The following ARHGEF4 variants were observed in gnomAD, a reference collection of about 807,000 sequenced individuals.
ARHGEF4 encodes the protein Rho guanine nucleotide exchange factor 4.
A neutral mutation model predicts 162.0 loss-of-function variants in ARHGEF4; 119 were observed. That is an observed-to-expected ratio of 0.73 (90% CI 0.63 to 0.86). ARHGEF4 has a LOEUF of 0.86. Among genes scored for constraint, ARHGEF4 ranks in the 40% least tolerant of loss-of-function variants. The pLI, the probability that ARHGEF4 is intolerant of heterozygous loss-of-function variation, is 0.00. For missense variants in ARHGEF4, 2,488 were observed against 2,456.0 expected, an observed-to-expected ratio of 1.01 and a Z score of -0.28; for synonymous variants, 1,014 against 979.9, an observed-to-expected ratio of 1.03 and a Z score of -0.65.
intron 4 of ARHGEF4, among the ~76,000 whole-genome samples, chr2:130,961,633 G>C (rs950156910): frequency 1.3e-5 from 2 of 152,202 alleles, no homozygotes; most frequent in African/African-American, 2.4e-5. Context: ...GTATTTTAGA[G>C]CTCCCTTGGG....
chr2:130,847,038 G>A (rs1436199193), intron 1 of ARHGEF4, among the ~76,000 whole-genome samples: 1 of 152,190 alleles, frequency 6.6e-6, no homozygotes, highest in African/African-American at 2.4e-5. Context: ...TTTAGGGAAA[G>A]CCTGGGTGTA....
rs184732466 is a variant in ARHGEF4 at position 130,913,389 on chromosome 2, G to A, written c.40-597G>A. ...ATAAGTAGTTTAAGAAATGTGTAAC[G>A]AGAGAAGGAAATACTTGCACAGTTC... On this transcript the variant is annotated intron_variant, in intron 1 of 13. Coordinates refer to ENST00000409359, the MANE Select transcript of ARHGEF4 (RefSeq NM_001367493.1). Among the ~76,000 whole-genome samples, 38 of 152,338 alleles carry A rather than the reference G, an allele frequency of 2.5e-4. No individual in the cohort carries two copies. In the East Asian group the frequency reaches 2.5e-3, roughly 10 times the overall value.
intron 1 of ARHGEF4, among the ~76,000 whole-genome samples, chr2:130,897,639 C>T (rs1013438951): frequency 1.3e-5 from 2 of 152,224 alleles, no homozygotes; most frequent in African/African-American, 2.4e-5. Flanking sequence ...GTGCCCACTA[C>T]TTGCCGGCAT....
At chr2:130,941,588 T>C (rs1338258838) in intron 3 of ARHGEF4, among the ~76,000 whole-genome samples, 1 of 152,186 alleles carries the variant, frequency 6.6e-6, no homozygotes, top group East Asian at 1.9e-4. Flanking sequence ...ATAAACAGTC[T>C]AACACTTATT....
intron 1 of ARHGEF4, among the ~76,000 whole-genome samples, chr2:130,839,004 C>T (rs1375058501): frequency 6.6e-6 from 1 of 151,934 alleles, no homozygotes; most frequent in Non-Finnish European, 1.5e-5. Context: ...TCCATACTTT[C>T]TGCCTCAGGT....
intron 4 of ARHGEF4, among the ~76,000 whole-genome samples, chr2:131,019,646 T>G (rs2105349567): frequency 6.6e-6 from 1 of 151,752 alleles, no homozygotes; most frequent in South Asian, 2.1e-4. Flanking sequence ...TTGTTTTTGT[T>G]TTTTTGAGAT....
intron 4 of ARHGEF4, among the ~76,000 whole-genome samples, chr2:131,001,667 C>T (rs1446527776): frequency 6.6e-6 from 1 of 152,046 alleles, no homozygotes; most frequent in Non-Finnish European, 1.5e-5. Flanking sequence ...TAAACTCTTC[C>T]ATGTATGCAT....
In ARHGEF4 at chr2:131,044,674, C is replaced by T. The variant is rs1445769396; in HGVS notation, c.5401+132C>T. The T allele has an allele frequency of 4.0e-6, 5 of 1,235,824 alleles. No individual in the cohort carries two copies. The South Asian group carries it at 4.7e-5, about 12-fold the overall frequency. The allele number at this position is 1,235,824 out of a possible 1,614,324, so 76.6% of individuals were successfully genotyped here. ...CAGGGTGTAGCAAGGCTCCAGGCAC[C>T]TCTAGGTCCCAGTCATGAGCATAAG... On this transcript the variant is annotated intron_variant, in intron 12 of 13. Coordinates refer to ENST00000409359, the MANE Select transcript of ARHGEF4 (RefSeq NM_001367493.1).
chr2:130,843,570 C>T (rs1282251211), intron 1 of ARHGEF4, among the ~76,000 whole-genome samples: 1 of 152,228 alleles, frequency 6.6e-6, no homozygotes, highest in African/African-American at 2.4e-5. Context: ...GCCTCCTCTC[C>T]CCCACTGCTC....
intron 4 of ARHGEF4, among the ~76,000 whole-genome samples, chr2:130,963,246 C>T (rs1282636161): frequency 6.6e-6 from 1 of 152,148 alleles, no homozygotes; most frequent in Non-Finnish European, 1.5e-5. Context: ...TGTGTCCTGC[C>T]CGGGCTGTCA....
chr2:130,851,280 TTGG>T (rs1681391159), intron 1 of ARHGEF4, among the ~76,000 whole-genome samples: 1 of 152,172 alleles, frequency 6.6e-6, no homozygotes, highest in East Asian at 1.9e-4. Context: ...GATGCATCTG[TTGG>T]TGGCGCCAAC....
At chr2:130,844,984 C>A (rs1229759765) in intron 1 of ARHGEF4, among the ~76,000 whole-genome samples, 1 of 151,870 alleles carries the variant, frequency 6.6e-6, no homozygotes, top group Non-Finnish European at 1.5e-5. Flanking sequence ...CCACCACACC[C>A]AGCTAATTTT....
At chr2:130,942,152 C>CTTTTTT (rs36087462) in intron 3 of ARHGEF4, among the ~76,000 whole-genome samples, 1 of 129,858 alleles carries the variant, frequency 7.7e-6, no homozygotes, top group Non-Finnish European at 1.6e-5. Flanking sequence ...TTTCTTTTTT[C>CTTTTTT]TTTTTTTTTT....
intron 1 of ARHGEF4, among the ~76,000 whole-genome samples, chr2:130,907,698 A>G (rs147602161): frequency 6.6e-4 from 101 of 151,980 alleles, no homozygotes; most frequent in African/African-American, 2.4e-3. Flanking sequence ...CCACGCCTGT[A>G]ATCCCAGCAC....
intron 4 of ARHGEF4, chr2:131,011,674 G>A (rs1007518960): frequency 6.5e-7 from 1 of 1,534,590 alleles, no homozygotes; most frequent in African/African-American, 1.4e-5. Flanking sequence ...GGAGCTGATG[G>A]GGGTGGGGTA....
chr2:130,884,446 T>G (rs1457806149), intron 1 of ARHGEF4, among the ~76,000 whole-genome samples: 2 of 152,116 alleles, frequency 1.3e-5, no homozygotes, highest in East Asian at 3.8e-4. Context: ...TATGTCTCAG[T>G]GTATTGTTTT....
At chr2:130,943,168 T>C (rs1683410259) in intron 3 of ARHGEF4, among the ~76,000 whole-genome samples, 1 of 152,190 alleles carries the variant, frequency 6.6e-6, no homozygotes, top group African/African-American at 2.4e-5. Context: ...GGATTATATG[T>C]CTTTTTGGTG....
intron 4 of ARHGEF4, among the ~76,000 whole-genome samples, chr2:131,001,075 C>T (rs10196377): frequency 0.039 from 6,000 of 152,020 alleles, 263 homozygotes; most frequent in African/African-American, 0.11. Flanking sequence ...GAGGCTGAGG[C>T]GGTGGCTCAC....
At chr2:130,909,853 G>T (rs1681068434) in intron 1 of ARHGEF4, among the ~76,000 whole-genome samples, 1 of 152,104 alleles carries the variant, frequency 6.6e-6, no homozygotes, top group Non-Finnish European at 1.5e-5. Context: ...CATAACAAAA[G>T]CTAAACCTAG....
Sources: allele counts gnomAD v4.1 joint callset (sites outside exome capture counted in the v4.1 genomes callset), GRCh38; gene constraint gnomAD v4.1.1; transcripts MANE v1.5; gene names NCBI Gene and HGNC (gene_info 2026-07-23, HGNC 2026-07-21).